MTM1: variants seen among roughly 807,000 people sequenced by gnomAD.
MTM1 encodes the protein myotubularin.
A neutral mutation model predicts 52.1 loss-of-function variants in MTM1; 9 were observed. The observed-to-expected ratio is 0.17, with a 90% CI of 0.10 to 0.30. The LOEUF (loss-of-function observed/expected upper bound fraction) is 0.30. Among genes scored for constraint, MTM1 ranks in the 10% least tolerant of loss-of-function variants. MTM1 has a pLI of 1.00. For missense variants in MTM1, 277 were observed against 470.7 expected (o/e 0.59, Z 3.81); for synonymous variants, 136 against 163.8 (o/e 0.83, Z 1.29).
Position 150,619,097 on chromosome X carries a change from T to A in MTM1, c.402T>A (p.Phe134Leu). The part of the protein sequence containing the change: ...KQEGHSRRDM[F>L]EILTRYAFPL... The stretch of plus-strand genomic sequence containing the variant: ...AAGGCCACAGCAGAAGAGATATGTT[T>A]GAGATCCTCACGAGATACGCGTTTC... The change falls in exon 6 of 15, where the codon TTT becomes TTA. Residue 134 changes from phenylalanine to leucine, a missense_variant. Physicochemically the swap from Phe to Leu is conservative, Grantham distance 22. Transcript: ENST00000370396. 6 of 1,210,058 alleles carry A rather than the reference T, an allele frequency of 5.0e-6. No individual in the cohort carries two copies. The highest frequency in any genetic ancestry group is 6.7e-6 in the Non-Finnish European group (6 of 894,051).
intron 4 of MTM1, among the ~76,000 whole-genome samples, chrX:150,613,926 G>A (rs1557413071): frequency 8.9e-6 from 1 of 112,275 alleles, no homozygotes; most frequent in East Asian, 2.8e-4. Context: ...GGAAATGCAC[G>A]CATGCCAGAG....
At chrX:150,616,456 T>C (rs183856924) in intron 5 of MTM1, among the ~76,000 whole-genome samples, 147 of 111,986 alleles carry the variant, frequency 1.3e-3, no homozygotes, top group Non-Finnish European at 1.0e-3. Flanking sequence ...TCAATAACCA[T>C]GATACAACCG....
intron 10 of MTM1, among the ~76,000 whole-genome samples, chrX:150,652,773 A>T (rs1569565519): frequency 9.5e-6 from 1 of 105,711 alleles, no homozygotes; most frequent in East Asian, 2.9e-4. Flanking sequence ...TGTTTTCTCC[A>T]TTTTTTTCCA....
chrX:150,658,412 C>T (rs1328450796), intron 11 of MTM1, among the ~76,000 whole-genome samples: 1 of 111,089 alleles, frequency 9.0e-6, no homozygotes, highest in African/African-American at 3.3e-5. Context: ...TGAATAAGTT[C>T]AAAAGAGCTA....
chrX:150,625,358 A>G (rs1203453853), intron 6 of MTM1, among the ~76,000 whole-genome samples: 8 of 111,920 alleles, frequency 7.1e-5, no homozygotes, highest in Non-Finnish European at 1.5e-4. Context: ...GTAGAGAATA[A>G]GGATGACTAC....
At chrX:150,639,088 T>C in intron 7 of MTM1, 62 bp downstream of exon 7, 1 of 898,076 alleles carries the variant, frequency 1.1e-6, no homozygotes, top group Non-Finnish European at 1.6e-6. Context: ...TATGACAGTA[T>C]GTCATCAGCC....
chrX:150,611,896 T>C (rs1469376775), intron 4 of MTM1, among the ~76,000 whole-genome samples: 2 of 112,457 alleles, frequency 1.8e-5, no homozygotes, highest in African/African-American at 3.2e-5. Flanking sequence ...CCTTACCTTT[T>C]AAGATTGGCA....
At chrX:150,579,169 C>T (rs958339839) in intron 1 of MTM1, among the ~76,000 whole-genome samples, 9 of 110,542 alleles carry the variant, frequency 8.1e-5, no homozygotes, top group Non-Finnish European at 1.1e-4. Flanking sequence ...ATTCTCCCGC[C>T]TCAACCTCCT....
At position 150,672,277 on chromosome X, in the gene MTM1, A is replaced by T. The variant is rs1232363051; in HGVS notation, c.*682A>T. On this transcript the variant is annotated 3_prime_UTR_variant, in exon 15 of 15. Coordinates refer to ENST00000370396, the MANE Select transcript of MTM1 (RefSeq NM_000252.3). ...CAGTTAAATATGATTTGCATTTTTTAAATTTGCCAGTTTTATTTTCTAAAT... is the reference window on the plus strand; with the variant it reads ...CAGTTAAATATGATTTGCATTTTTTTAATTTGCCAGTTTTATTTTCTAAAT... 1 of 112,360 alleles carries T rather than the reference A, an allele frequency of 8.9e-6. No homozygotes were observed. Among genetic ancestry groups the T allele is most frequent in the African/African-American group, 3.2e-5 (1 of 30,908 alleles). The allele number at this position is 112,360 out of a possible 1,213,427, so 9.3% of individuals were successfully genotyped here. A position where few individuals can be genotyped will look rare whatever the true frequency, so the allele number is the denominator to read the frequency against.
At chrX:150,645,961 G>A (rs1015453399) in intron 9 of MTM1, 90 bp downstream of exon 9, 10 of 870,521 alleles carry the variant, frequency 1.1e-5, no homozygotes, top group East Asian at 9.6e-5. Flanking sequence ...ATAGAAACAC[G>A]TGGGTTTAAA....
upstream of MTM1, among the ~76,000 whole-genome samples, chrX:150,568,007 C>G (rs141099570): frequency 3.3e-3 from 373 of 112,219 alleles, 1 homozygote; most frequent in African/African-American, 0.011. Context: ...TGTTTCCGTT[C>G]ACTAAGTCTC....
At chrX:150,592,831 C>T (rs781873899) in intron 2 of MTM1, among the ~76,000 whole-genome samples, 154 bp downstream of exon 2, 110 of 109,137 alleles carry the variant, frequency 1.0e-3, no homozygotes, top group African/African-American at 3.5e-3. Flanking sequence ...ATTGTCTCAC[C>T]TTGTTCTAGA....
intron 7 of MTM1, among the ~76,000 whole-genome samples, chrX:150,641,024 A>C (rs1419762499): frequency 2.7e-5 from 3 of 112,143 alleles, no homozygotes; most frequent in Non-Finnish European, 5.6e-5. Context: ...AATTCCTTTG[A>C]ATTCAAGAGA....
intron 4 of MTM1, among the ~76,000 whole-genome samples, chrX:150,608,835 T>G (rs782578521): frequency 5.5e-5 from 6 of 110,018 alleles, no homozygotes; most frequent in Admixed American, 1.9e-4. Flanking sequence ...TGATGATTAT[T>G]ATTATTATTT....
In MTM1 at chrX:150,583,755, TATTAA is replaced by T. The variant is rs1366066841; in HGVS notation, c.-10-8844_-10-8840del. Among the ~76,000 whole-genome samples, 3 of 48,284 alleles carry T rather than the reference TATTAA, an allele frequency of 6.2e-5. 1 individual carries two copies. Among genetic ancestry groups the T allele is most frequent in the African/African-American group, 7.6e-5 (1 of 13,075 alleles). The allele number at this position is 48,284 out of a possible 115,157, so 41.9% of individuals were successfully genotyped here. On this transcript the variant is annotated intron_variant, in intron 1 of 14. Transcript: ENST00000370396. ...TATATATTATATATAAATTAATATA[TATTAA>T]ATTAATATATATTTAATATATAAAA...
At chrX:150,603,345 A>G (rs2039098266) in intron 4 of MTM1, among the ~76,000 whole-genome samples, 1 of 112,007 alleles carries the variant, frequency 8.9e-6, no homozygotes, top group African/African-American at 3.3e-5. Context: ...TATGCAAGTT[A>G]CACAGACAAT....
intron 10 of MTM1, among the ~76,000 whole-genome samples, chrX:150,650,860 CCT>C (rs1352341883): frequency 8.9e-6 from 1 of 112,044 alleles, no homozygotes; most frequent in Non-Finnish European, 1.9e-5. Flanking sequence ...CAGCCACACC[CCT>C]GTTCATCTGG....
intron 14 of MTM1, 84 bp from the exon 15 acceptor site, chrX:150,671,344 G>A (rs2040391830): frequency 9.5e-7 from 1 of 1,050,588 alleles, no homozygotes; most frequent in Admixed American, 2.2e-5. Flanking sequence ...TTACAAATCA[G>A]CAGTCACAGC....
chrX:150,635,801 A>T (rs2039746208), intron 6 of MTM1, among the ~76,000 whole-genome samples: 1 of 112,171 alleles, frequency 8.9e-6, no homozygotes, highest in African/African-American at 3.2e-5. Context: ...CAAGTAGCTT[A>T]TGGAAAACTT....
Sources: allele counts gnomAD v4.1 joint callset (sites outside exome capture counted in the v4.1 genomes callset), GRCh38; gene constraint gnomAD v4.1.1; transcripts MANE v1.5; gene names NCBI Gene and HGNC (gene_info 2026-07-23, HGNC 2026-07-21).